CYTH1: variants seen among roughly 807,000 people sequenced by gnomAD.
The protein encoded by CYTH1 is cytohesin 1, also known as cytohesin-1.
Under a neutral mutation model 61.8 loss-of-function variants are expected in CYTH1, and 18 were observed. The ratio of observed to expected loss-of-function variants is 0.29; its 90% CI spans 0.20 to 0.43. The LOEUF is 0.43. Among genes scored for constraint, CYTH1 ranks in the 20% least tolerant of loss-of-function variants. CYTH1 has a pLI of 1.00. For missense variants in CYTH1, 336 were observed against 510.5 expected (o/e 0.66, Z 3.29); for synonymous variants, 174 against 184.3 (o/e 0.94, Z 0.45).
chr17:78,709,458 C>T lies in CYTH1; in HGVS notation c.105+192G>A, dbSNP rs79859456. The T allele has an allele frequency of 7.8e-5, 45 of 573,254 alleles. No homozygotes were observed. The African/African-American group carries it at 8.6e-4, about 11-fold the overall frequency. The allele number at this position is 573,254 out of a possible 1,614,324, so 35.5% of individuals were successfully genotyped here. A position where few individuals can be genotyped will look rare whatever the true frequency, so the allele number is the denominator to read the frequency against. ...GGTGAACCTGGACAAGCCACTCAAC[C>T]TCTCTGACACTGCATCTCCTCAGCT... On this transcript the variant is annotated intron_variant, in intron 2 of 13. Transcript: ENST00000446868.
At chr17:78,746,881 C>A (rs1005413028) in intron 1 of CYTH1, among the ~76,000 whole-genome samples, 1 of 151,956 alleles carries the variant, frequency 6.6e-6, no homozygotes, top group Admixed American at 6.6e-5. Flanking sequence ...GAGGTCAAGG[C>A]TGCAGTGAGC....
chr17:78,730,369 C>CAAAAAA (rs56790957), intron 1 of CYTH1, among the ~76,000 whole-genome samples: 2 of 95,350 alleles, frequency 2.1e-5, no homozygotes, highest in African/African-American at 4.1e-5. Flanking sequence ...ACTAAAAATA[C>CAAAAAA]AAAAAAAAAA....
At chr17:78,690,661 T>C (rs2092875146) in intron 11 of CYTH1, among the ~76,000 whole-genome samples, 1 of 151,754 alleles carries the variant, frequency 6.6e-6, no homozygotes, top group Non-Finnish European at 1.5e-5. Context: ...ACACCACCAC[T>C]ACACTCCAGC....
chr17:78,694,738 G>T (rs2092921888), intron 10 of CYTH1, among the ~76,000 whole-genome samples: 1 of 152,142 alleles, frequency 6.6e-6, no homozygotes, highest in African/African-American at 2.4e-5. Flanking sequence ...GATGCTAAAA[G>T]AAACAAGATG....
intron 11 of CYTH1, among the ~76,000 whole-genome samples, chr17:78,688,328 C>A (rs1363003646): frequency 6.6e-6 from 1 of 152,220 alleles, no homozygotes; most frequent in Admixed American, 6.5e-5. Flanking sequence ...TCATGAACAT[C>A]CCCCTGAAAA....
At chr17:78,748,700 T>C (rs1489531529) in intron 1 of CYTH1, among the ~76,000 whole-genome samples, 1 of 152,170 alleles carries the variant, frequency 6.6e-6, no homozygotes, top group Non-Finnish European at 1.5e-5. Flanking sequence ...CAAAGTTCTC[T>C]GATCAAATAA....
intron 1 of CYTH1, among the ~76,000 whole-genome samples, chr17:78,780,376 G>GC (rs2093511892): frequency 6.6e-6 from 1 of 152,166 alleles, no homozygotes; most frequent in African/African-American, 2.4e-5. Context: ...GGGCGTGGTA[G>GC]CCCAGGCCTG....
chr17:78,735,621 T>C (rs890899517), intron 1 of CYTH1, among the ~76,000 whole-genome samples: 5 of 152,232 alleles, frequency 3.3e-5, no homozygotes, highest in African/African-American at 9.6e-5. Context: ...CCGTGGACAC[T>C]GTCCAGGATC....
At chr17:78,677,900 C>T (rs896807280) in intron 13 of CYTH1, 1 of 152,286 alleles carries the variant, frequency 6.6e-6, no homozygotes, top group African/African-American at 2.4e-5. Context: ...ATGAGTCACA[C>T]TGCTCAGGTT....
At chr17:78,742,574 C>G (rs547071856) in intron 1 of CYTH1, among the ~76,000 whole-genome samples, 2 of 152,094 alleles carry the variant, frequency 1.3e-5, no homozygotes, top group Non-Finnish European at 1.5e-5. Flanking sequence ...ATAAATAGGC[C>G]GGGTGTGCTG....
rs369960846 is a variant in CYTH1, at chr17:78,707,166, G to C, written c.170+1031C>G. Among the ~76,000 whole-genome samples, 27 of 152,282 alleles carry C rather than the reference G, an allele frequency of 1.8e-4. No homozygotes were observed. The South Asian group carries it at 5.4e-3, about 30-fold the overall frequency. The stretch of plus-strand genomic sequence containing the variant: ...GGCCGTGGTGAGCTGGCTGCCTTCT[G>C]TGGAGGACTCAGCCTCACTATACCC... On this transcript the variant is annotated intron_variant, in intron 3 of 13. Transcript: ENST00000446868.
Position 78,675,192 on chromosome 17 carries a change from A to AG in CYTH1, c.*898dup, listed in dbSNP as rs2092684989. ...TCACAGTTTTGGTTATTAGGTATTT[A>AG]GCTCAAGGAAAATGCTGACTTTCTA... On this transcript the variant is annotated 3_prime_UTR_variant, in exon 14 of 14. Transcript: ENST00000446868. 6.6e-6 allele frequency: 1 copy of AG among 152,272 alleles called. No individual in the cohort carries two copies. The allele number at this position is 152,272 out of a possible 1,614,324, so 9.4% of individuals were successfully genotyped here. A position where few individuals can be genotyped will look rare whatever the true frequency, so the allele number is the denominator to read the frequency against.
chr17:78,681,908 C>T (rs1197737977), intron 11 of CYTH1, among the ~76,000 whole-genome samples: 1 of 151,918 alleles, frequency 6.6e-6, no homozygotes, highest in Non-Finnish European at 1.5e-5. Flanking sequence ...TCAGCCATTT[C>T]CCCATCCTGG....
At chr17:78,680,602 G>A (rs568181074) in intron 12 of CYTH1, among the ~76,000 whole-genome samples, 1 of 152,318 alleles carries the variant, frequency 6.6e-6, no homozygotes, top group South Asian at 2.1e-4. Flanking sequence ...GGAGAGAACT[G>A]CAGGTGACTC....
chr17:78,685,495 ATATGAG>A (rs2092807607), intron 11 of CYTH1, among the ~76,000 whole-genome samples: 3 of 152,144 alleles, frequency 2.0e-5, no homozygotes, highest in African/African-American at 7.2e-5. Context: ...TATTACTTCT[ATATGAG>A]TATATTTAGC....
chr17:78,762,694 T>C (rs2093433659), intron 1 of CYTH1, among the ~76,000 whole-genome samples: 1 of 152,036 alleles, frequency 6.6e-6, no homozygotes, highest in South Asian at 2.1e-4. Context: ...TTCTTCCAAA[T>C]GGAAGAGGGA....
chr17:78,695,727 A>T (rs575904932), intron 10 of CYTH1, among the ~76,000 whole-genome samples: 5 of 152,350 alleles, frequency 3.3e-5, no homozygotes, highest in African/African-American at 7.2e-5. Context: ...AATGTCATGG[A>T]AACTTCCTCT....
At chr17:78,698,680 A>C (rs2092972928) in intron 8 of CYTH1, 140 bp downstream of exon 8, 4 of 1,081,766 alleles carry the variant, frequency 3.7e-6, no homozygotes, top group Non-Finnish European at 3.9e-6. Context: ...CCACTTTCTT[A>C]ATGAAATTCA....
intron 1 of CYTH1, among the ~76,000 whole-genome samples, chr17:78,775,072 G>A (rs928683111): frequency 6.6e-6 from 1 of 152,312 alleles, no homozygotes; most frequent in Non-Finnish European, 1.5e-5. Flanking sequence ...GTGCCACTAG[G>A]CACCCACCCC....
Sources: gnomAD v4.1 joint callset for allele counts (sites outside exome capture counted in the v4.1 genomes callset) on GRCh38, gnomAD v4.1.1 for gene constraint, MANE v1.5 for transcripts, NCBI Gene and HGNC (gene_info 2026-07-23, HGNC 2026-07-21) for gene names.